The following ADD1 variants were observed in gnomAD, a reference collection of about 807,000 sequenced individuals.
ADD1 encodes the protein alpha-adducin.
A neutral mutation model predicts 80.5 loss-of-function variants in ADD1; 24 were observed. That is an observed-to-expected ratio of 0.30 (90% CI 0.22 to 0.42). The LOEUF (loss-of-function observed/expected upper bound fraction) is 0.42. Ranked by LOEUF, ADD1 falls within the 10% of genes least tolerant of loss-of-function variation. The pLI is 1.00. For synonymous variants in ADD1, 373 were observed against 393.8 expected, an observed-to-expected ratio of 0.95 and a Z score of 0.63; for missense variants, 948 against 1,019.0, an observed-to-expected ratio of 0.93 and a Z score of 0.95.
Position 2,928,590 on chromosome 4 carries a change from G to A in ADD1, c.*67G>A. On this transcript the variant is annotated 3_prime_UTR_variant, in exon 16 of 16. Transcript: ENST00000683351. ...TCTGCCAGCGTCCCCGGCCACGTCT[G>A]TGCTCTGTCCTTGTGTAATGGAATG... 2 of 1,525,926 alleles carry A rather than the reference G, an allele frequency of 1.3e-6. No individual in the cohort carries two copies. Among genetic ancestry groups the A allele is most frequent in the Non-Finnish European group, 1.8e-6 (2 of 1,119,486 alleles). 94.5% of individuals were successfully genotyped at this position (1,525,926 alleles called of 1,614,324 possible).
chr4:2,851,911 G>A (rs553629652), intron 1 of ADD1, among the ~76,000 whole-genome samples: 36 of 151,822 alleles, frequency 2.4e-4, no homozygotes, highest in African/African-American at 8.5e-4. Context: ...GCTCGATCTC[G>A]GCTCACCGCA....
At chr4:2,923,480 C>T (rs537402721) in intron 14 of ADD1, among the ~76,000 whole-genome samples, 2 of 152,380 alleles carry the variant, frequency 1.3e-5, no homozygotes, top group South Asian at 4.1e-4. Context: ...ACTGTCTAAC[C>T]AGTCCCAGGG....
chr4:2,879,017 G>A (rs1037350197), intron 2 of ADD1, among the ~76,000 whole-genome samples: 20 of 152,144 alleles, frequency 1.3e-4, no homozygotes, highest in African/African-American at 4.3e-4. Context: ...ATGAGCAGGT[G>A]TAGTGCTGAC....
At chr4:2,889,786 C>T (rs1012078930) in intron 4 of ADD1, among the ~76,000 whole-genome samples, 5 of 152,104 alleles carry the variant, frequency 3.3e-5, no homozygotes, top group Admixed American at 6.5e-5. Context: ...TGTGCCACTG[C>T]ACTCCAGCCT....
chr4:2,921,255 G>C (rs1739985003), intron 14 of ADD1, among the ~76,000 whole-genome samples: 2 of 152,050 alleles, frequency 1.3e-5, no homozygotes. Context: ...AGCCTCCCCA[G>C]CAGCTGGGAC....
chr4:2,858,450 A>C (rs987780519), intron 1 of ADD1, among the ~76,000 whole-genome samples: 3 of 152,246 alleles, frequency 2.0e-5, no homozygotes, highest in African/African-American at 4.8e-5. Flanking sequence ...GTGAACTGGG[A>C]TCAGAACCTG....
At chr4:2,876,338 CTT>C (rs771368360) in intron 2 of ADD1, 15 of 378,354 alleles carry the variant, frequency 4.0e-5, no homozygotes, top group Non-Finnish European at 2.8e-5. Flanking sequence ...TTAATTTCTC[CTT>C]TTTACTCTTG....
Position 2,928,922 on chromosome 4 carries a change from A to C in ADD1, c.*399A>C, listed in dbSNP as rs1712494159. On this transcript the variant is annotated 3_prime_UTR_variant, in exon 16 of 16. Transcript: ENST00000683351. ...TCTGCTTGGCTTCCCCTCCACCCTAAAGTCTCAGGTGACGGACTCAGACTC... is the reference window on the plus strand; with the variant it reads ...TCTGCTTGGCTTCCCCTCCACCCTACAGTCTCAGGTGACGGACTCAGACTC... The C allele has an allele frequency of 1.5e-5, 3 of 195,428 alleles. No individual in the cohort carries two copies. Among genetic ancestry groups the C allele is most frequent in the Non-Finnish European group, 3.1e-5 (3 of 98,222 alleles). The allele number at this position is 195,428 out of a possible 1,614,324, so 12.1% of individuals were successfully genotyped here.
At chr4:2,922,696 G>A (rs1450306252) in intron 14 of ADD1, among the ~76,000 whole-genome samples, 1 of 152,248 alleles carries the variant, frequency 6.6e-6, no homozygotes, top group Non-Finnish European at 1.5e-5. Context: ...TCTCTTCAGA[G>A]CCAGCAGGTA....
At chr4:2,877,147 T>TA (rs1246440845) in intron 2 of ADD1, among the ~76,000 whole-genome samples, 1 of 152,202 alleles carries the variant, frequency 6.6e-6, no homozygotes, top group Non-Finnish European at 1.5e-5. Context: ...ATTGCACCTT[T>TA]AATCAGGTCG....
intron 1 of ADD1, among the ~76,000 whole-genome samples, chr4:2,866,705 A>G (rs1729610595): frequency 6.6e-6 from 1 of 152,152 alleles, no homozygotes; most frequent in Admixed American, 6.5e-5. Flanking sequence ...GCTGCAATAC[A>G]GTAGATGAGC....
rs749385850 is a variant in ADD1 at position 2,928,326 on chromosome 4, G to T, written c.2203G>T (p.Ala735Ser). Reference sequence around the variant, plus strand: ...CCATAGACCCCCAAGCCCCACTGAGGCCCCTACTGAGGCCAGCCCCGAGCC... The same window carrying T: ...CCATAGACCCCCAAGCCCCACTGAGTCCCCTACTGAGGCCAGCCCCGAGCC... ...EAHRPPSPTE[A>S]PTEASPEPAP... The change falls in exon 16 of 16, where the codon GCC becomes TCC. Residue 735 changes from alanine to serine, a missense_variant. By Grantham distance (99) the Ala-to-Ser change is moderately conservative. Transcript: ENST00000683351. 6.8e-6 allele frequency: 11 copies of T among 1,613,784 alleles called. No individual in the cohort carries two copies. Among genetic ancestry groups the T allele is most frequent in the Non-Finnish European group, 8.5e-6 (10 of 1,179,974 alleles).
chr4:2,844,196 C>G (rs1281318853), intron 1 of ADD1, 172 bp downstream of exon 1: 1 of 151,928 alleles, frequency 6.6e-6, no homozygotes, highest in East Asian at 1.9e-4. Flanking sequence ...TGGAGGGGTC[C>G]CCGCGGGGCC....
chr4:2,884,504 C>A lies in ADD1; in HGVS notation c.359-11C>A. The A allele has an allele frequency of 6.3e-7, 1 of 1,588,204 alleles. No individual in the cohort carries two copies. The highest frequency in any genetic ancestry group is 1.1e-5 in the South Asian group (1 of 88,516). ...CTGCACCTGGCTGAGTTTTGTTTTT[C>A]TTTATTTCAGGTCTTGGTATGGTGA... On this transcript the variant is annotated splice_polypyrimidine_tract_variant and intron_variant, in intron 3 of 15. Coordinates refer to ENST00000683351, the MANE Select transcript of ADD1 (RefSeq NM_001354761.2).
At chr4:2,916,670 A>AG (rs1739140725) in intron 14 of ADD1, among the ~76,000 whole-genome samples, 1 of 152,056 alleles carries the variant, frequency 6.6e-6, no homozygotes, top group Non-Finnish European at 1.5e-5. Context: ...ATTTCTCCTG[A>AG]TGCTATCCTT....
At position 2,928,202 on chromosome 4, in the gene ADD1, C is replaced by T. The variant is rs1712237086; in HGVS notation, c.2079C>T (p.Asp693=). 1 of 1,614,002 alleles carries T rather than the reference C, an allele frequency of 6.2e-7. No homozygotes were observed. Among genetic ancestry groups the T allele is most frequent in the Non-Finnish European group, 8.5e-7 (1 of 1,180,034 alleles). Residue 693 remains aspartate, a synonymous_variant, in exon 16 of 16, where the codon GAC becomes GAT. Coordinates refer to ENST00000683351, the MANE Select transcript of ADD1 (RefSeq NM_001354761.2). ...TGCCGGAGCCGACTACTGGAGATGA[C>T]AGTGATGCTGCCACCTTTAAGCCAA... is the stretch of plus-strand genomic sequence containing the variant. ...DLVPEPTTGD[D]SDAATFKPTL...
chr4:2,845,363 G>A (rs1726043487), intron 1 of ADD1, among the ~76,000 whole-genome samples: 1 of 152,168 alleles, frequency 6.6e-6, no homozygotes, highest in Non-Finnish European at 1.5e-5. Flanking sequence ...GAGCCACCGC[G>A]CCTGGCCTAC....
intron 13 of ADD1, among the ~76,000 whole-genome samples, chr4:2,911,169 C>T (rs1737957046): frequency 6.6e-6 from 1 of 152,120 alleles, no homozygotes; most frequent in Admixed American, 6.5e-5. Context: ...CTCCCCTCCC[C>T]AGTGAGGCGA....
chr4:2,882,161 A>G, intron 3 of ADD1, 101 bp downstream of exon 3: 1 of 1,082,588 alleles, frequency 9.2e-7, no homozygotes, highest in Non-Finnish European at 1.3e-6. Flanking sequence ...TGTATAACAT[A>G]ACAGAGTTGA....
Sources: gnomAD v4.1 joint callset for allele counts (sites outside exome capture counted in the v4.1 genomes callset) on GRCh38, gnomAD v4.1.1 for gene constraint, MANE v1.5 for transcripts, NCBI Gene and HGNC (gene_info 2026-07-23, HGNC 2026-07-21) for gene names.